The following OTOA variants were observed in gnomAD, a reference collection of about 807,000 sequenced individuals.
OTOA encodes the protein otoancorin.
In OTOA, 70 loss-of-function variants were observed where a neutral mutation model predicts 110.8. That is an observed-to-expected ratio of 0.63 (90% CI 0.52 to 0.77). The LOEUF (loss-of-function observed/expected upper bound fraction) is 0.77, where lower values mean the gene tolerates loss of function less well. OTOA is among the 30% of genes least tolerant of loss of function. The pLI, the probability that OTOA is intolerant of heterozygous loss-of-function variation, is 0.00. For synonymous variants in OTOA, 373 were observed against 431.5 expected, an observed-to-expected ratio of 0.86 and a Z score of 1.68; for missense variants, 917 against 1,075.8, an observed-to-expected ratio of 0.85 and a Z score of 2.06.
intron 1 of OTOA, among the ~76,000 whole-genome samples, chr16:21,669,225 C>T (rs1486585632): frequency 6.6e-6 from 1 of 151,958 alleles, no homozygotes; most frequent in African/African-American, 2.4e-5. Flanking sequence ...AGCCTGTAAT[C>T]CCAGCTACTC....
In OTOA at chr16:21,698,831, A is replaced by C. The variant is rs530464040; in HGVS notation, c.840+956A>C. Among the ~76,000 whole-genome samples the C allele has an allele frequency of 6.5e-4, 99 of 152,302 alleles. 2 individuals are homozygous for C. The highest frequency in any genetic ancestry group is 2.1e-3 in the African/African-American group (87 of 41,560). ...GTAGGTAACAGCTTAAATTCTTAGA[A>C]AGCTGAGCCCCCTAGAGGAAATTTC... On this transcript the variant is annotated intron_variant, in intron 10 of 28. Coordinates refer to ENST00000646100, the MANE Select transcript of OTOA (RefSeq NM_144672.4).
intron 20 of OTOA, chr16:21,730,265 G>T (rs1899067518): frequency 6.4e-6 from 1 of 155,646 alleles, no homozygotes; most frequent in Admixed American, 6.2e-5. Flanking sequence ...CAAGAGAAAG[G>T]TTTTTTCTTA....
intron 10 of OTOA, among the ~76,000 whole-genome samples, chr16:21,699,365 G>A (rs1276196856): frequency 1.3e-5 from 2 of 152,204 alleles, no homozygotes; most frequent in African/African-American, 4.8e-5. Flanking sequence ...GCCGGCTGCC[G>A]TGGCCCATGC....
intron 7 of OTOA, among the ~76,000 whole-genome samples, chr16:21,686,027 G>A (rs1897705290): frequency 6.6e-6 from 1 of 152,060 alleles, no homozygotes; most frequent in Non-Finnish European, 1.5e-5. Flanking sequence ...CAAAAAACAG[G>A]AACAGTTAAT....
intron 18 of OTOA, 134 bp downstream of exon 18, chr16:21,723,112 A>G (rs1057224788): frequency 1.6e-5 from 13 of 824,322 alleles, no homozygotes; most frequent in Non-Finnish European, 2.5e-5. Context: ...TAGAGAGTTA[A>G]GCCCTTGAGA....
intron 1 of OTOA, among the ~76,000 whole-genome samples, chr16:21,666,242 C>CTTTTTTTT (rs1966840097): frequency 7.7e-6 from 1 of 129,412 alleles, no homozygotes; most frequent in African/African-American, 3.3e-5. Context: ...CATGAAATGG[C>CTTTTTTTT]ATTTTTTTTT....
At chr16:21,684,751 TTATTATTATTATTA>T (rs1966975088) in intron 6 of OTOA, among the ~76,000 whole-genome samples, 8 of 84,568 alleles carry the variant, frequency 9.5e-5, no homozygotes, top group African/African-American at 2.8e-4. Flanking sequence ...ATTATTATTA[TTATTATTATTATTA>T]TTTTTTAGGT....
At chr16:21,705,737 A>G (rs749030259) in intron 12 of OTOA, among the ~76,000 whole-genome samples, 10 of 152,186 alleles carry the variant, frequency 6.6e-5, no homozygotes, top group Non-Finnish European at 1.5e-4. Context: ...ACCTGAGGTC[A>G]GTTTGAGACC....
intron 20 of OTOA, 69 bp downstream of exon 20, chr16:21,728,500 C>A: frequency 2.6e-6 from 4 of 1,540,762 alleles, no homozygotes; most frequent in East Asian, 4.8e-5. Context: ...AACCTTGGCT[C>A]TCCTGCCCTG....
At chr16:21,682,932 C>T (rs970248350) in intron 6 of OTOA, among the ~76,000 whole-genome samples, 1 of 152,214 alleles carries the variant, frequency 6.6e-6, no homozygotes, top group Non-Finnish European at 1.5e-5. Flanking sequence ...ATCTGCTTTT[C>T]TTTTCTTCTT....
chr16:21,690,986 C>A (rs1202821330), intron 8 of OTOA, among the ~76,000 whole-genome samples: 34 of 127,550 alleles, frequency 2.7e-4, no homozygotes, highest in African/African-American at 9.9e-4. Context: ...CCCCAACAGG[C>A]CCCGGTGTGT....
At position 21,664,081 on chromosome 16, in the gene OTOA, C is replaced by T. The variant is rs1873708094; in HGVS notation, c.-156C>T. The T allele has an allele frequency of 6.6e-6, 1 of 152,236 alleles. No homozygotes were observed. Among genetic ancestry groups the T allele is most frequent in the South Asian group, 2.1e-4 (1 of 4,842 alleles). 9.4% of individuals were successfully genotyped at this position (152,236 alleles called of 1,614,324 possible). A position where few individuals can be genotyped will look rare whatever the true frequency, so the allele number is the denominator to read the frequency against. On this transcript the variant is annotated 5_prime_UTR_variant, in exon 1 of 29. Coordinates refer to ENST00000646100, the MANE Select transcript of OTOA (RefSeq NM_144672.4). ...CGCCGCTGCCCTGGCTGAGTTCCCA[C>T]CTGGGCCGCTGCAGGGAGGAGGTCG...
chr16:21,708,362 G>T (rs1898256232), intron 12 of OTOA, among the ~76,000 whole-genome samples: 1 of 152,108 alleles, frequency 6.6e-6, no homozygotes, highest in African/African-American at 2.4e-5. Context: ...AGCTCAGGCG[G>T]TAATGCTCAC....
intron 17 of OTOA, among the ~76,000 whole-genome samples, chr16:21,722,095 T>TCCA (rs1898764062): frequency 2.1e-5 from 2 of 94,270 alleles, no homozygotes; most frequent in African/African-American, 9.1e-5. Flanking sequence ...CCACTAAAAA[T>TCCA]ACAAAAAAAA....
chr16:21,715,182 C>T, intron 14 of OTOA, 30 bp downstream of exon 14: 1 of 1,613,908 alleles, frequency 6.2e-7, no homozygotes, highest in Non-Finnish European at 8.5e-7. Context: ...TGCTCAGCCA[C>T]ATGTCACAGG....
intron 13 of OTOA, among the ~76,000 whole-genome samples, chr16:21,714,436 CTTTCTTTCTT>C (rs1464766752): frequency 8.1e-5 from 10 of 123,888 alleles, no homozygotes; most frequent in South Asian, 2.7e-4. Flanking sequence ...TTCTTTCTCT[CTTTCTTTCTT>C]TCTCTCTCTC....
At chr16:21,711,572 A>C (rs1898355454) in intron 13 of OTOA, among the ~76,000 whole-genome samples, 2 of 152,094 alleles carry the variant, frequency 1.3e-5, no homozygotes, top group Admixed American at 1.3e-4. Flanking sequence ...GGGTTCAAGC[A>C]ATTCTCCTGC....
intron 21 of OTOA, among the ~76,000 whole-genome samples, chr16:21,736,056 T>C (rs1002008106): frequency 6.6e-6 from 1 of 152,172 alleles, no homozygotes; most frequent in Admixed American, 6.5e-5. Context: ...TTTTAGACTT[T>C]ATTGGATTTT....
In OTOA at chr16:21,707,631, TTCTTTCTTTCTTTCTTTCTTTCTTTC is replaced by T. The variant is rs1216361131; in HGVS notation, c.1105-2245_1105-2220del. Among the ~76,000 whole-genome samples the T allele has an allele frequency of 1.6e-3, 189 of 117,572 alleles. 2 individuals are homozygous for T. The highest frequency in any genetic ancestry group is 4.2e-3 in the Middle Eastern group (1 of 238). 77.1% of individuals were successfully genotyped at this position (117,572 alleles called of 152,430 possible). The stretch of plus-strand genomic sequence containing the variant: ...TTTCTTTCTTTCTTTCTTTCTTTCT[TTCTTTCTTTCTTTCTTTCTTTCTTTC>T]TCTTTCTTTCTCTTTCTGTCTCTCT... On this transcript the variant is annotated intron_variant, in intron 12 of 28. Transcript: ENST00000646100.
Sources: allele counts gnomAD v4.1 joint callset (sites outside exome capture counted in the v4.1 genomes callset), GRCh38; gene constraint gnomAD v4.1.1; transcripts MANE v1.5; gene names NCBI Gene and HGNC (gene_info 2026-07-23, HGNC 2026-07-21).